SLC4A3: variants seen among roughly 807,000 people sequenced by gnomAD.
SLC4A3 encodes solute carrier family 4 member 3, also known as anion exchange protein 3.
SLC4A3 carries 47 observed loss-of-function variants against 114.2 expected under a neutral mutation model. The ratio of observed to expected loss-of-function variants is 0.41; its 90% CI spans 0.33 to 0.52. The LOEUF (loss-of-function observed/expected upper bound fraction) is 0.52. Among genes scored for constraint, SLC4A3 ranks in the 20% least tolerant of loss-of-function variants. The pLI is 0.21. For missense variants in SLC4A3, 1,312 were observed against 1,668.3 expected, an observed-to-expected ratio of 0.79 and a Z score of 3.72; for synonymous variants, 693 against 710.3, an observed-to-expected ratio of 0.98 and a Z score of 0.39.
In SLC4A3 at chr2:219,632,080, G is replaced by A. The variant is rs769149652; in HGVS notation, c.924G>A (p.Lys308=). 2.5e-6 allele frequency: 4 copies of A among 1,613,674 alleles called. No individual in the cohort carries two copies. The highest frequency in any genetic ancestry group is 1.7e-5 in the Admixed American group (1 of 59,966). ...GCCTGGCCCCCATCCTTCGCAGGAA[G>A]AAGAAGAAGAAAAAGCTGGACCGGA... is the stretch of plus-strand genomic sequence containing the variant. ...PSGLAPILRR[K]KKKKKLDRRP... Residue 308 remains lysine (K), a synonymous_variant, in exon 7 of 23, where the codon AAG becomes AAA. Transcript: ENST00000358055.
Position 219,633,884 on chromosome 2 carries a change from C to T in SLC4A3, c.1466C>T (p.Pro489Leu), listed in dbSNP as rs1699027003. The T allele has an allele frequency of 6.4e-7, 1 of 1,556,572 alleles. No homozygotes were observed. Among genetic ancestry groups the T allele is most frequent in the Non-Finnish European group, 8.7e-7 (1 of 1,149,626 alleles). ...WPHDPDAKEK[P>L]LHMPGGDGHR... Reference sequence around the variant, plus strand: ...ATTCCAGTTCTGCGTCCTCAGAAGCCCCTCCACATGCCTGGGGGAGATGGT... The same window carrying T: ...ATTCCAGTTCTGCGTCCTCAGAAGCTCCTCCACATGCCTGGGGGAGATGGT... Residue 489 changes from proline (P) to leucine (L), a missense_variant, in exon 11 of 23, where the codon CCC (proline) becomes CTC (leucine). Transcript: ENST00000358055.
In SLC4A3 at chr2:219,627,666, C is replaced by A; in HGVS notation, c.-173C>A. The A allele has an allele frequency of 1.2e-5, 2 of 164,626 alleles. No individual in the cohort carries two copies. Among genetic ancestry groups the A allele is most frequent in the South Asian group, 3.6e-4 (2 of 5,622 alleles). 10.2% of individuals were successfully genotyped at this position (164,626 alleles called of 1,614,324 possible). A position where few individuals can be genotyped will look rare whatever the true frequency, so the allele number is the denominator to read the frequency against. On this transcript the variant is annotated 5_prime_UTR_variant, in exon 1 of 23. Transcript: ENST00000358055. Reference sequence around the variant, plus strand: ...GCGCTGCGAGAGGCCGGACGGCAGTCGCGGCTGCGCTCGGGAGAGAGCGCG... The same window carrying A: ...GCGCTGCGAGAGGCCGGACGGCAGTAGCGGCTGCGCTCGGGAGAGAGCGCG...
Position 219,639,502 on chromosome 2 carries a change from C to T in SLC4A3, c.3044C>T (p.Ala1015Val), listed in dbSNP as rs773080961. The T allele has an allele frequency of 3.7e-6, 6 of 1,613,510 alleles. No individual in the cohort carries two copies. The highest frequency in any genetic ancestry group is 1.7e-5 in the Admixed American group (1 of 60,004). ...TGCAGGCTTATCGTCAGCCAGAAGG[C>T]GCGGAGGCTGCTCAAGGGCTCCGGT... is the stretch of plus-strand genomic sequence containing the variant. ...QITALIVSQKARRLLKGSGFH... is the reference protein window; with the variant it reads ...QITALIVSQKVRRLLKGSGFH... Residue 1015 changes from alanine to valine, a missense_variant, in exon 20 of 23, where the codon GCG (alanine) becomes GTG (valine). Transcript: ENST00000358055. The surrounding 1 kb of genome is among the most constrained non-coding windows in gnomAD (Gnocchi z 5.9).
Position 219,638,645 on chromosome 2 carries a change from G to C in SLC4A3, c.2857-58G>C, listed in dbSNP as rs1699212214. ...GGGGACGCAGCTTAGTGGGCTGCTT[G>C]GTGGGCTTTCTAGCATGGGGAGGCT... On this transcript the variant is annotated intron_variant, in intron 18 of 22. Coordinates refer to ENST00000358055, the MANE Select transcript of SLC4A3 (RefSeq NM_005070.4). The surrounding 1 kb of genome is among the most constrained non-coding windows in gnomAD (Gnocchi z 7.5). The C allele has an allele frequency of 6.4e-7, 1 of 1,574,228 alleles. No individual in the cohort carries two copies. Among genetic ancestry groups the C allele is most frequent in the African/African-American group, 1.3e-5 (1 of 74,236 alleles).
Position 219,628,334 on chromosome 2 carries a change from G to A in SLC4A3, c.52-71G>A. On this transcript the variant is annotated intron_variant, in intron 2 of 22. Coordinates refer to ENST00000358055, the MANE Select transcript of SLC4A3 (RefSeq NM_005070.4). The surrounding 1 kb of genome is among the most constrained non-coding windows in gnomAD (Gnocchi z 4.8). The stretch of plus-strand genomic sequence containing the variant: ...AGCCTGCTGAGCTCCCCCAACTAGG[G>A]CTTGGAGTTGGGGTGGGTGTGGGGC... 6.9e-7 allele frequency: 1 copy of A among 1,440,714 alleles called. No homozygotes were observed. The highest frequency in any genetic ancestry group is 2.4e-5 in the East Asian group (1 of 42,138). 89.2% of individuals were successfully genotyped at this position (1,440,714 alleles called of 1,614,324 possible).
rs902409212 is a variant in SLC4A3, at chr2:219,639,835, G to A, written c.3277+100G>A. On this transcript the variant is annotated intron_variant, in intron 20 of 22. Coordinates refer to ENST00000358055, the MANE Select transcript of SLC4A3 (RefSeq NM_005070.4). This position sits in a 1 kb window ranked among gnomAD's most constrained non-coding sequence, Gnocchi z 5.9. ...GACCCTGAATCTCCCAATGTGCTGT[G>A]TGTTGCCCTCAATCTGACCCCCAAA... The A allele has an allele frequency of 3.4e-6, 5 of 1,472,966 alleles. No homozygotes were observed. The highest frequency in any genetic ancestry group is 1.4e-5 in the African/African-American group (1 of 72,424). The allele number at this position is 1,472,966 out of a possible 1,614,324, so 91.2% of individuals were successfully genotyped here.
In SLC4A3 at chr2:219,641,218, C is replaced by T. The variant is rs1489418333; in HGVS notation, c.3621+256C>T. On this transcript the variant is annotated intron_variant, in intron 22 of 22. Transcript: ENST00000358055. The surrounding 1 kb of genome is among the most constrained non-coding windows in gnomAD (Gnocchi z 4.0). ...TGGTGGTTTTGTAAGGGAGTTGGCA[C>T]GGGGCTGCTGCACACAGCTGTGCAG... 1.3e-5 allele frequency among the ~76,000 whole-genome samples: 2 copies of T among 152,210 alleles called. No homozygotes were observed. The highest frequency in any genetic ancestry group is 2.4e-5 in the African/African-American group (1 of 41,524).
chr2:219,637,867 G>T lies in SLC4A3; in HGVS notation c.2766+56G>T. ...GAGTCCCACAATTCCTGCTGTAGGA[G>T]CTCCCCAGAGAGGCTGCACCCCTTC... On this transcript the variant is annotated intron_variant, in intron 17 of 22. Transcript: ENST00000358055. This position sits in a 1 kb window ranked among gnomAD's most constrained non-coding sequence, Gnocchi z 4.6. 7.2e-7 allele frequency: 1 copy of T among 1,388,934 alleles called. No individual in the cohort carries two copies. Among genetic ancestry groups the T allele is most frequent in the Non-Finnish European group, 1.0e-6 (1 of 977,888 alleles). 86.0% of individuals were successfully genotyped at this position (1,388,934 alleles called of 1,614,324 possible).
Position 219,640,869 on chromosome 2 carries a change from G to C in SLC4A3, c.3528G>C (p.Ala1176=). ...IALLWVVKST[A]ASLAFPFLLL... The stretch of plus-strand genomic sequence containing the variant: ...TGCTCTGGGTGGTCAAGTCCACGGC[G>C]GCCTCACTCGCCTTTCCCTTCCTGC... The change falls in exon 22 of 23, where the codon GCG becomes GCC. Residue 1176 remains alanine (A), a synonymous_variant. Coordinates refer to ENST00000358055, the MANE Select transcript of SLC4A3 (RefSeq NM_005070.4). 1.2e-6 allele frequency: 2 copies of C among 1,612,204 alleles called. No homozygotes were observed. The highest frequency in any genetic ancestry group is 1.7e-6 in the Non-Finnish European group (2 of 1,180,042).
chr2:219,636,009 C>A lies in SLC4A3; in HGVS notation c.2191+118C>A. The A allele has an allele frequency of 2.4e-6, 2 of 832,184 alleles. No individual in the cohort carries two copies. The highest frequency in any genetic ancestry group is 3.6e-6 in the Non-Finnish European group (2 of 551,086). 51.5% of individuals were successfully genotyped at this position (832,184 alleles called of 1,614,324 possible). A position where few individuals can be genotyped will look rare whatever the true frequency, so the allele number is the denominator to read the frequency against. On this transcript the variant is annotated intron_variant, in intron 14 of 22. Coordinates refer to ENST00000358055, the MANE Select transcript of SLC4A3 (RefSeq NM_005070.4). The surrounding 1 kb of genome is among the most constrained non-coding windows in gnomAD (Gnocchi z 5.5). ...ATTAGGGGGCCAATGGTTAGATGTG[C>A]TAGCAAAGGTGTAAGCACCTTACAG...
rs1475418770 is a variant in SLC4A3 at position 219,632,801 on chromosome 2, G to A, written c.1142-73G>A. ...CAGCACATTCGCATGCTTTTGGGGG[G>A]CAAGGCAGAGTGGGAGGAGATTTTT... On this transcript the variant is annotated intron_variant, in intron 8 of 22. Coordinates refer to ENST00000358055, the MANE Select transcript of SLC4A3 (RefSeq NM_005070.4). 4.4e-6 allele frequency: 7 copies of A among 1,584,010 alleles called. No homozygotes were observed. In the East Asian group the frequency reaches 1.1e-4, roughly 25 times the overall value.
At chr2:219,633,766 G>C in intron 10 of SLC4A3, 114 bp from the exon 11 acceptor site, 1 of 1,488,328 alleles carries the variant, frequency 6.7e-7, no homozygotes, top group South Asian at 1.3e-5. Context: ...TGCAGTACCT[G>C]CCTACTCTGG....
chr2:219,628,209 G>A lies in SLC4A3; in HGVS notation c.51+166G>A, dbSNP rs1329201951. On this transcript the variant is annotated intron_variant, in intron 2 of 22. Transcript: ENST00000358055. The surrounding 1 kb of genome is among the most constrained non-coding windows in gnomAD (Gnocchi z 4.8). ...GGGGTTTTTGATATTTTCCAGATCC[G>A]TAGCCCTCTCTCTTTACAAGCTCTG... 6.6e-6 allele frequency among the ~76,000 whole-genome samples: 1 copy of A among 152,098 alleles called. No homozygotes were observed. Among genetic ancestry groups the A allele is most frequent in the Non-Finnish European group, 1.5e-5 (1 of 67,984 alleles).
chr2:219,628,269 A>C lies in SLC4A3; in HGVS notation c.52-136A>C. 4.2e-6 allele frequency: 4 copies of C among 960,088 alleles called. No individual in the cohort carries two copies. Among genetic ancestry groups the C allele is most frequent in the Non-Finnish European group, 6.1e-6 (4 of 656,138 alleles). 59.5% of individuals were successfully genotyped at this position (960,088 alleles called of 1,614,324 possible). On this transcript the variant is annotated intron_variant, in intron 2 of 22. Transcript: ENST00000358055. The surrounding 1 kb of genome is among the most constrained non-coding windows in gnomAD (Gnocchi z 4.8). ...AGAGGGTGGTTTCTGGGATGCTGAC[A>C]CAGGCCTGGGAGCAAGGGGAGGGGG...
Position 219,636,986 on chromosome 2 carries a change from G to C in SLC4A3, c.2535+112G>C, listed in dbSNP as rs952283707. 8 of 978,166 alleles carry C rather than the reference G, an allele frequency of 8.2e-6. No homozygotes were observed. Among genetic ancestry groups the C allele is most frequent in the Non-Finnish European group, 1.2e-5 (8 of 646,090 alleles). 60.6% of individuals were successfully genotyped at this position (978,166 alleles called of 1,614,324 possible). On this transcript the variant is annotated intron_variant, in intron 16 of 22. Coordinates refer to ENST00000358055, the MANE Select transcript of SLC4A3 (RefSeq NM_005070.4). This position sits in a 1 kb window ranked among gnomAD's most constrained non-coding sequence, Gnocchi z 5.5. ...GAACTAGGGGACAAGGAGAGGGACT[G>C]TGTTGGGAGTGAGGGGTTCTAGGGA...
Position 219,628,382 on chromosome 2 carries a change from G to A in SLC4A3, c.52-23G>A, listed in dbSNP as rs1440871935. On this transcript the variant is annotated intron_variant, in intron 2 of 22. Coordinates refer to ENST00000358055, the MANE Select transcript of SLC4A3 (RefSeq NM_005070.4). This position sits in a 1 kb window ranked among gnomAD's most constrained non-coding sequence, Gnocchi z 4.8. ...GGCCTTCATGGGTCAGGGGTCCTTAGCAGAGGCCGTCTGGGCCTGCAGGTC... is the reference window on the plus strand; with the variant it reads ...GGCCTTCATGGGTCAGGGGTCCTTAACAGAGGCCGTCTGGGCCTGCAGGTC... The A allele has an allele frequency of 1.9e-6, 3 of 1,595,004 alleles. No individual in the cohort carries two copies. The highest frequency in any genetic ancestry group is 1.8e-5 in the Admixed American group (1 of 56,030).
chr2:219,630,780 G>T lies in SLC4A3; in HGVS notation c.811+428G>T, dbSNP rs569815874. Among the ~76,000 whole-genome samples, 1 of 152,168 alleles carries T rather than the reference G, an allele frequency of 6.6e-6. No individual in the cohort carries two copies. The highest frequency in any genetic ancestry group is 1.9e-4 in the East Asian group (1 of 5,152). On this transcript the variant is annotated intron_variant, in intron 6 of 22. Transcript: ENST00000358055. The surrounding 1 kb of genome is among the most constrained non-coding windows in gnomAD (Gnocchi z 6.9). Reference sequence around the variant, plus strand: ...CTTCACTCCCATCCCACTACCCTTGGGGGGGGCCTGGCTGTGATCTCGGCA... The same window carrying T: ...CTTCACTCCCATCCCACTACCCTTGTGGGGGGCCTGGCTGTGATCTCGGCA...
rs767548305 is a variant in SLC4A3 at position 219,629,672 on chromosome 2, C to T, written c.588C>T (p.Asp196=). 5 of 1,612,214 alleles carry T rather than the reference C, an allele frequency of 3.1e-6. No homozygotes were observed. In the East Asian group the frequency reaches 1.1e-4, roughly 36 times the overall value. ...KPLPSVGPHT[D]KSPQHSSSSP... is the part of the protein sequence containing the mutation. ...TGCCCTCGGTGGGCCCACACACTGA[C>T]AAGAGCCCCCAGCACTCCAGCAGGT... The change falls in exon 5 of 23, where the codon GAC becomes GAT. Residue 196 remains aspartate, a synonymous_variant. Coordinates refer to ENST00000358055, the MANE Select transcript of SLC4A3 (RefSeq NM_005070.4).
At chr2:219,633,132 T>C in intron 9 of SLC4A3, 123 bp downstream of exon 9, 1 of 1,405,338 alleles carries the variant, frequency 7.1e-7, no homozygotes, top group Non-Finnish European at 9.8e-7. Context: ...CTCATTTCTA[T>C]CTTTTGACAC....
Sources: allele counts gnomAD v4.1 joint callset (sites outside exome capture counted in the v4.1 genomes callset), GRCh38; gene constraint gnomAD v4.1.1; non-coding constraint Gnocchi (gnomAD v3.1); transcripts MANE v1.5; gene names NCBI Gene and HGNC (gene_info 2026-07-23, HGNC 2026-07-21).